DGUOK: variants seen among roughly 807,000 people sequenced by gnomAD.
The protein encoded by DGUOK is deoxyguanosine kinase, mitochondrial.
Under a neutral mutation model 36.6 loss-of-function variants are expected in DGUOK, and 30 were observed. The observed-to-expected ratio is 0.82, with a 90% CI of 0.61 to 1.11. The LOEUF (loss-of-function observed/expected upper bound fraction) is 1.11, where lower values mean the gene tolerates loss of function less well. Ranked by LOEUF, DGUOK falls within the 50% of genes most tolerant of loss-of-function variation. The probability of loss-of-function intolerance (pLI) is 0.00; values close to 1 mark genes in which losing one functional copy is unlikely to be tolerated. For synonymous variants in DGUOK, 145 were observed against 126.3 expected (o/e 1.15, Z -0.99); for missense variants, 361 against 336.4 (o/e 1.07, Z -0.57).
intron 4 of DGUOK, among the ~76,000 whole-genome samples, chr2:73,952,863 A>G (rs189491328): frequency 6.6e-6 from 1 of 152,278 alleles, no homozygotes; most frequent in African/African-American, 2.4e-5. Context: ...GAATGACCTT[A>G]TAACAGAATG....
rs186177265 is a variant in DGUOK at position 73,954,412 on chromosome 2, G to A, written c.592-2713G>A. Reference sequence around the variant, plus strand: ...AGGCCGGGCACGGTGACTCACGCCTGTAATCCCAGCACTTTGGGAGGCTGA... The same window carrying A: ...AGGCCGGGCACGGTGACTCACGCCTATAATCCCAGCACTTTGGGAGGCTGA... On this transcript the variant is annotated intron_variant, in intron 4 of 6. Coordinates refer to ENST00000264093, the MANE Select transcript of DGUOK (RefSeq NM_080916.3). Among the ~76,000 whole-genome samples the A allele has an allele frequency of 1.6e-4, 24 of 152,176 alleles. No individual in the cohort carries two copies. The East Asian group carries it at 4.5e-3, about 28-fold the overall frequency.
intron 1 of DGUOK, among the ~76,000 whole-genome samples, chr2:73,934,824 A>C (rs372177132): frequency 6.6e-6 from 1 of 151,672 alleles, no homozygotes; most frequent in African/African-American, 2.4e-5. Flanking sequence ...TGTAATCCCA[A>C]CACTTTGGGA....
intron 4 of DGUOK, among the ~76,000 whole-genome samples, chr2:73,951,346 G>T (rs542135323): frequency 1.1e-4 from 17 of 152,096 alleles, no homozygotes; most frequent in Admixed American, 1.1e-3. Flanking sequence ...GTGACCTTGG[G>T]CAGCCCCTGG....
intron 1 of DGUOK, among the ~76,000 whole-genome samples, chr2:73,928,851 G>C (rs1680799392): frequency 6.6e-6 from 1 of 152,234 alleles, no homozygotes; most frequent in African/African-American, 2.4e-5. Context: ...AAAAGTGAAA[G>C]TGGTGAGACG....
chr2:73,953,088 C>G (rs954363897), intron 4 of DGUOK, among the ~76,000 whole-genome samples: 2 of 152,010 alleles, frequency 1.3e-5, no homozygotes, highest in African/African-American at 4.8e-5. Flanking sequence ...TCCAATCCCA[C>G]GAGAGTGAGA....
intron 5 of DGUOK, among the ~76,000 whole-genome samples, chr2:73,957,498 AC>A (rs1292755238): frequency 6.6e-6 from 1 of 152,246 alleles, no homozygotes; most frequent in East Asian, 1.9e-4. Flanking sequence ...ACATGGTGAA[AC>A]CCTGTCTCTA....
intron 2 of DGUOK, among the ~76,000 whole-genome samples, chr2:73,945,186 T>G (rs1682205329): frequency 6.6e-6 from 1 of 152,206 alleles, no homozygotes; most frequent in Non-Finnish European, 1.5e-5. Flanking sequence ...TAATCTCCAT[T>G]TCCATCTGTG....
chr2:73,950,008 A>T lies in DGUOK; in HGVS notation c.444-577A>T, dbSNP rs375630474. Reference sequence around the variant, plus strand: ...TTGCAGGAGAGTCTGCTTTCTTAGTAATACTGAAATTAGTAGGAAATGCAT... The same window carrying T: ...TTGCAGGAGAGTCTGCTTTCTTAGTTATACTGAAATTAGTAGGAAATGCAT... On this transcript the variant is annotated intron_variant, in intron 3 of 6. Coordinates refer to ENST00000264093, the MANE Select transcript of DGUOK (RefSeq NM_080916.3). Among the ~76,000 whole-genome samples the T allele has an allele frequency of 3.9e-5, 6 of 152,310 alleles. No individual in the cohort carries two copies. The East Asian group carries it at 1.2e-3, about 29-fold the overall frequency.
chr2:73,945,615 A>G (rs1044896683), intron 2 of DGUOK, among the ~76,000 whole-genome samples: 4 of 152,296 alleles, frequency 2.6e-5, no homozygotes, highest in Middle Eastern at 3.4e-3. Flanking sequence ...TCCTTTTTCT[A>G]TACCCTTACG....
At chr2:73,932,607 T>C (rs6737156) in intron 1 of DGUOK, 54,969 of 1,297,254 alleles carry the variant, frequency 0.042, 1,732 homozygotes, top group African/African-American at 0.14. Context: ...GGTAACATCC[T>C]CAAGCAAATC....
chr2:73,950,986 G>T (rs547293434), intron 4 of DGUOK, among the ~76,000 whole-genome samples: 3 of 152,260 alleles, frequency 2.0e-5, no homozygotes, highest in Non-Finnish European at 4.4e-5. Flanking sequence ...AGCAAATCGA[G>T]TGTCATCTTT....
At chr2:73,956,603 C>T (rs1683112114) in intron 4 of DGUOK, among the ~76,000 whole-genome samples, 1 of 152,176 alleles carries the variant, frequency 6.6e-6, no homozygotes. Context: ...CCCACAAGGA[C>T]TGCACTGCTA....
intron 4 of DGUOK, among the ~76,000 whole-genome samples, chr2:73,954,117 G>C (rs1245134251): frequency 3.3e-5 from 5 of 152,110 alleles, no homozygotes; most frequent in African/African-American, 1.2e-4. Context: ...CAAGGTGGGA[G>C]GACTGCTTGA....
chr2:73,938,218 C>T (rs1457138648), intron 1 of DGUOK, among the ~76,000 whole-genome samples: 1 of 152,180 alleles, frequency 6.6e-6, no homozygotes, highest in South Asian at 2.1e-4. Context: ...TTTGCATATG[C>T]TACTCCCTTT....
chr2:73,932,197 G>A (rs1681093358), intron 1 of DGUOK, among the ~76,000 whole-genome samples: 1 of 152,134 alleles, frequency 6.6e-6, no homozygotes, highest in Non-Finnish European at 1.5e-5. Context: ...AGAAAAGGGT[G>A]ATGCGAAGTG....
At chr2:73,948,261 G>A (rs560935042) in intron 3 of DGUOK, among the ~76,000 whole-genome samples, 42 of 152,248 alleles carry the variant, frequency 2.8e-4, no homozygotes, top group African/African-American at 9.1e-4. Context: ...ATTTCTAGCC[G>A]CTTCATGAAG....
chr2:73,946,613 GATT>G (rs924541257), intron 2 of DGUOK, 103 bp from the exon 3 acceptor site: 1 of 1,020,902 alleles, frequency 9.8e-7, no homozygotes, highest in African/African-American at 1.6e-5. Flanking sequence ...TTCTTTCATT[GATT>G]ATTAAACCTG....
chr2:73,928,540 A>C (rs947392104), intron 1 of DGUOK, among the ~76,000 whole-genome samples: 11 of 152,250 alleles, frequency 7.2e-5, no homozygotes, highest in Middle Eastern at 3.2e-3. Flanking sequence ...AGAATCTTCT[A>C]GGCAGAGTGA....
At position 73,957,202 on chromosome 2, in the gene DGUOK, T is replaced by C. The variant is rs766030927; in HGVS notation, c.669T>C (p.His223=). The C allele has an allele frequency of 3.1e-6, 5 of 1,614,122 alleles. No individual in the cohort carries two copies. Among genetic ancestry groups the C allele is most frequent in the East Asian group, 4.5e-5 (2 of 44,884 alleles). Residue 223 remains histidine, a synonymous_variant, in exon 5 of 7, where the codon CAT becomes CAC. Coordinates refer to ENST00000264093, the MANE Select transcript of DGUOK (RefSeq NM_080916.3). ...AGCTGGCCTATCTAGAGCAGCTGCA[T>C]GGCCAACACGAAGCCTGGCTTATTC... The part of the protein sequence containing the change: ...GIELAYLEQL[H]GQHEAWLIHK...
Sources: allele counts gnomAD v4.1 joint callset (sites outside exome capture counted in the v4.1 genomes callset), GRCh38; gene constraint gnomAD v4.1.1; transcripts MANE v1.5; gene names NCBI Gene and HGNC (gene_info 2026-07-23, HGNC 2026-07-21).